The following AKT3 variants were observed in gnomAD, a reference collection of about 807,000 sequenced individuals.
AKT3 encodes RAC-gamma serine/threonine-protein kinase.
Under a neutral mutation model 65.3 loss-of-function variants are expected in AKT3, and 15 were observed. That is an observed-to-expected ratio of 0.23 (90% CI 0.15 to 0.35). AKT3 has a LOEUF of 0.35. AKT3 is among the 10% of genes least tolerant of loss of function. The probability of loss-of-function intolerance (pLI) is 1.00; values close to 1 mark genes in which losing one functional copy is unlikely to be tolerated. For synonymous variants in AKT3, 206 were observed against 183.8 expected, an observed-to-expected ratio of 1.12 and a Z score of -0.98; for missense variants, 243 against 576.5, an observed-to-expected ratio of 0.42 and a Z score of 5.92.
chr1:243,718,280 C>T (rs1465054330), intron 2 of AKT3, among the ~76,000 whole-genome samples: 5 of 152,110 alleles, frequency 3.3e-5, no homozygotes, highest in Non-Finnish European at 7.4e-5. Context: ...TGGATGTCCA[C>T]AAGCCAACGA....
intron 3 of AKT3, among the ~76,000 whole-genome samples, chr1:243,671,782 A>G (rs1477037936): frequency 2.6e-5 from 4 of 152,216 alleles, no homozygotes; most frequent in Admixed American, 2.6e-4. Context: ...CATTTTCTAA[A>G]TGAGCAAATT....
At chr1:243,617,591 A>G (rs899587382) in intron 6 of AKT3, among the ~76,000 whole-genome samples, 2 of 152,196 alleles carry the variant, frequency 1.3e-5, no homozygotes, top group Non-Finnish European at 2.9e-5. Flanking sequence ...ATATTAAGGA[A>G]AAAGTGGAGG....
At chr1:243,850,328 G>A (rs1302278783), upstream of AKT3, among the ~76,000 whole-genome samples, 1 of 148,506 alleles carries the variant, frequency 6.7e-6, no homozygotes, top group Non-Finnish European at 1.5e-5. Context: ...GCGGGAGGGG[G>A]AGGGAGGAGA....
chr1:243,666,553 A>G (rs927106877), intron 3 of AKT3, among the ~76,000 whole-genome samples: 2 of 152,140 alleles, frequency 1.3e-5, no homozygotes, highest in Non-Finnish European at 1.5e-5. Flanking sequence ...CCTAAAATTC[A>G]TTCCTCCTCC....
intron 10 of AKT3, among the ~76,000 whole-genome samples, chr1:243,558,259 T>C (rs1160573480): frequency 1.3e-5 from 2 of 152,074 alleles, no homozygotes; most frequent in African/African-American, 4.8e-5. Flanking sequence ...TTGTGGAAGT[T>C]AATATATATC....
chr1:243,617,554 TTAAA>T (rs1242986793), intron 6 of AKT3, among the ~76,000 whole-genome samples: 2 of 152,116 alleles, frequency 1.3e-5, no homozygotes, highest in African/African-American at 4.8e-5. Context: ...ATTATCCAAC[TTAAA>T]TAATTACTCT....
chr1:243,577,977 C>A (rs866846312), intron 8 of AKT3, among the ~76,000 whole-genome samples: 3 of 152,240 alleles, frequency 2.0e-5, no homozygotes, highest in Middle Eastern at 3.4e-3. Context: ...ATCAAAACCA[C>A]AATGAAATAG....
intron 5 of AKT3, among the ~76,000 whole-genome samples, chr1:243,640,138 TAGCAG>T (rs1217349303): frequency 2.0e-5 from 3 of 152,194 alleles, no homozygotes; most frequent in African/African-American, 4.8e-5. Context: ...AGCAAAGAGA[TAGCAG>T]GGAAAATAAT....
At chr1:243,498,125 G>T (rs1284378774), downstream of AKT3, among the ~76,000 whole-genome samples, 1 of 152,234 alleles carries the variant, frequency 6.6e-6, no homozygotes, top group Non-Finnish European at 1.5e-5. Context: ...CATGGAGCAG[G>T]GGTGGAGGGC....
intron 8 of AKT3, among the ~76,000 whole-genome samples, chr1:243,583,540 CAAAAAAAAA>C (rs1294857854): frequency 3.3e-5 from 1 of 30,014 alleles, no homozygotes; most frequent in Non-Finnish European, 7.3e-5. Context: ...AAGTAAGTCT[CAAAAAAAAA>C]AAAAAAAGAA....
chr1:243,693,237 C>T (rs1684815860), intron 3 of AKT3, among the ~76,000 whole-genome samples: 1 of 57,078 alleles, frequency 1.8e-5, no homozygotes, highest in South Asian at 5.1e-4. Context: ...TTGGTAGCTA[C>T]AATTTGATAT....
At chr1:243,617,368 T>C (rs1287742861) in intron 6 of AKT3, among the ~76,000 whole-genome samples, 1 of 151,952 alleles carries the variant, frequency 6.6e-6, no homozygotes, top group Non-Finnish European at 1.5e-5. Flanking sequence ...TAATTAAGCA[T>C]TATACAAGTG....
rs77943487 is a variant in AKT3, at chr1:243,734,296, G to C, written c.47-38580C>G. On this transcript the variant is annotated intron_variant, in intron 2 of 13. Transcript: ENST00000673466. ...AGTATTGTTTAAAAATATACAGTGT[G>C]AACTATAAAAAGGAAAAAGAATACC... Among the ~76,000 whole-genome samples the C allele has an allele frequency of 2.6e-4, 40 of 152,234 alleles. No homozygotes were observed. In the East Asian group the frequency reaches 6.8e-3, roughly 26 times the overall value.
intron 6 of AKT3, among the ~76,000 whole-genome samples, chr1:243,625,336 T>C (rs1352088644): frequency 1.3e-5 from 2 of 152,006 alleles, no homozygotes; most frequent in Non-Finnish European, 2.9e-5. Flanking sequence ...TTTCACCATG[T>C]TGGTCAGGCT....
At chr1:243,742,705 T>A (rs1688236093) in intron 2 of AKT3, among the ~76,000 whole-genome samples, 1 of 152,208 alleles carries the variant, frequency 6.6e-6, no homozygotes, top group African/African-American at 2.4e-5. Flanking sequence ...GGTAGAATGA[T>A]AAAACAAACG....
chr1:243,682,698 T>A (rs929738756), intron 3 of AKT3, among the ~76,000 whole-genome samples: 4 of 152,206 alleles, frequency 2.6e-5, no homozygotes, highest in Non-Finnish European at 5.9e-5. Flanking sequence ...GAGCTTTCAT[T>A]CATTTCTGAA....
downstream of AKT3, among the ~76,000 whole-genome samples, chr1:243,497,573 C>T (rs987084312): frequency 8.0e-5 from 12 of 150,022 alleles, no homozygotes; most frequent in Admixed American, 2.0e-4. Context: ...GGAACAGCTC[C>T]GATAGTGATA....
At chr1:243,593,188 C>T (rs1676355677) in intron 8 of AKT3, among the ~76,000 whole-genome samples, 3 of 152,222 alleles carry the variant, frequency 2.0e-5, no homozygotes, top group South Asian at 4.1e-4. Flanking sequence ...GCCAGCATTG[C>T]CACAATACAA....
At chr1:243,750,431 A>ACG (rs1337846909) in intron 2 of AKT3, among the ~76,000 whole-genome samples, 22 of 147,450 alleles carry the variant, frequency 1.5e-4, no homozygotes, top group African/African-American at 3.9e-4. Context: ...ACACACACAC[A>ACG]CACGCACGCA....
Sources: gnomAD v4.1 joint callset for allele counts (sites outside exome capture counted in the v4.1 genomes callset) on GRCh38, gnomAD v4.1.1 for gene constraint, MANE v1.5 for transcripts, NCBI Gene and HGNC (gene_info 2026-07-23, HGNC 2026-07-21) for gene names.